The following USP35 variants were observed in gnomAD, a reference collection of about 807,000 sequenced individuals.
USP35 encodes the protein ubiquitin specific peptidase 35, also known as ubiquitin carboxyl-terminal hydrolase 35.
Under a neutral mutation model 83.8 loss-of-function variants are expected in USP35, and 69 were observed. That is an observed-to-expected ratio of 0.82 (90% CI 0.68 to 1.01). USP35 has a LOEUF of 1.01. Among genes scored for constraint, USP35 ranks in the 50% least tolerant of loss-of-function variants. USP35 has a pLI of 0.00. For missense variants in USP35, 1,503 were observed against 1,362.5 expected, an observed-to-expected ratio of 1.10 and a Z score of -1.62; for synonymous variants, 714 against 589.5, an observed-to-expected ratio of 1.21 and a Z score of -3.06.
rs530160291 is a variant in USP35 at position 78,212,998 on chromosome 11, G to A, written c.2890-648G>A. On this transcript the variant is annotated intron_variant, in intron 10 of 10. Transcript: ENST00000529308. ...GTGGCACTGGCATACTGAGCAGCTG[G>A]AACAGCATGGGCTTTGACCAGTGGG... Among the ~76,000 whole-genome samples, 4 of 152,328 alleles carry A rather than the reference G, an allele frequency of 2.6e-5. No homozygotes were observed. In the South Asian group the frequency reaches 8.3e-4, roughly 32 times the overall value.
chr11:78,221,816 G>A, the USP35 span: 13 of 1,427,540 alleles, frequency 9.1e-6, no homozygotes, highest in Non-Finnish European at 1.3e-5. Context: ...TGGGGAAGCT[G>A]CATGGCTGCT....
At chr11:78,233,040 G>GTTTTTTTTTTTTTTTTTTTTTTTT in the USP35 span, among the ~76,000 whole-genome samples, 2 of 131,986 alleles carry the variant, frequency 1.5e-5, 1 homozygote, top group African/African-American at 6.0e-5. Flanking sequence ...GCACTGTTAA[G>GTTTTTTTTTTTTTTTTTTTTTTTT]TTTTTTTTTT....
At chr11:78,221,178 G>A in the USP35 span, among the ~76,000 whole-genome samples, 1 of 152,218 alleles carries the variant, frequency 6.6e-6, no homozygotes, top group Non-Finnish European at 1.5e-5. Context: ...TGCTTTACTG[G>A]TTGGTTAATT....
At chr11:78,211,652 T>G (rs567107545) in intron 10 of USP35, among the ~76,000 whole-genome samples, 1 of 152,298 alleles carries the variant, frequency 6.6e-6, no homozygotes, top group South Asian at 2.1e-4. Flanking sequence ...CATTCTGGCT[T>G]GCGTGAGATG....
At chr11:78,224,614 C>T in the USP35 span, among the ~76,000 whole-genome samples, 1 of 152,192 alleles carries the variant, frequency 6.6e-6, no homozygotes, top group Non-Finnish European at 1.5e-5. Context: ...TTTCAGTGGG[C>T]CTGAAGCCAG....
At chr11:78,206,128 A>T in intron 7 of USP35, 93 bp downstream of exon 7, 23 of 1,391,990 alleles carry the variant, frequency 1.7e-5, no homozygotes, top group Non-Finnish European at 2.1e-5. Flanking sequence ...TGGGGGTTGG[A>T]GAGGGTGGGC....
rs1372403686 is a variant in USP35, at chr11:78,214,709, A to C, written c.*896A>C. The stretch of plus-strand genomic sequence containing the variant: ...AAATAAATAAAAGTAAGCCTAAGCA[A>C]GAGATTGTTCTTCCTTGGACTCAGG... On this transcript the variant is annotated 3_prime_UTR_variant, in exon 11 of 11. Coordinates refer to ENST00000529308, the MANE Select transcript of USP35 (RefSeq NM_020798.4). The C allele has an allele frequency of 6.6e-6, 1 of 151,498 alleles. No individual in the cohort carries two copies. The highest frequency in any genetic ancestry group is 1.5e-5 in the Non-Finnish European group (1 of 67,646). The allele number at this position is 151,498 out of a possible 1,614,324, so 9.4% of individuals were successfully genotyped here. A position where few individuals can be genotyped will look rare whatever the true frequency, so the allele number is the denominator to read the frequency against.
chr11:78,196,583 AG>A lies in USP35; in HGVS notation c.342del (p.Pro115LeufsTer75). On this transcript the variant is annotated frameshift_variant, in exon 2 of 11. Transcript: ENST00000529308. LOFTEE classifies it high-confidence loss of function. This position sits in a 1 kb window ranked among gnomAD's most constrained non-coding sequence, Gnocchi z 4.8. Reference sequence around the variant, plus strand: ...CAGCTGGGTCTGCAGCTGCTGCCCGAGGGGCCTGCGGCCGACGAGGTGTTCG... The same window carrying A: ...CAGCTGGGTCTGCAGCTGCTGCCCGAGGGCCTGCGGCCGACGAGGTGTTCG... Reference protein sequence around the residue: ...CVQLGLQLLPEGPAADEVFAL... With the variant: ...CVQLGLQLLPXGPAADEVFAL... 1 of 1,247,500 alleles carries A rather than the reference AG, an allele frequency of 8.0e-7. No homozygotes were observed. The highest frequency in any genetic ancestry group is 1.0e-6 in the Non-Finnish European group (1 of 994,474). The allele number at this position is 1,247,500 out of a possible 1,614,324, so 77.3% of individuals were successfully genotyped here.
Position 78,196,652 on chromosome 11 carries a change from CG to C in USP35, c.410del (p.Gly137AlafsTer53). 1 of 1,393,398 alleles carries C rather than the reference CG, an allele frequency of 7.2e-7. No individual in the cohort carries two copies. The highest frequency in any genetic ancestry group is 9.2e-7 in the Non-Finnish European group (1 of 1,082,628). The allele number at this position is 1,393,398 out of a possible 1,614,324, so 86.3% of individuals were successfully genotyped here. The stretch of plus-strand genomic sequence containing the variant: ...GTGCTGCGCACCGTGTGCGAGCGCC[CG>C]GGCCCCGCGGCCTGCGCGCAGGTGG... ...REVLRTVCER[P>X]GPAACAQVAR... On this transcript the variant is annotated frameshift_variant, in exon 2 of 11. Transcript: ENST00000529308. LOFTEE classifies it high-confidence loss of function. This position sits in a 1 kb window ranked among gnomAD's most constrained non-coding sequence, Gnocchi z 4.8.
intron 6 of USP35, among the ~76,000 whole-genome samples, chr11:78,203,979 C>T (rs540531035): frequency 6.8e-6 from 1 of 146,784 alleles, no homozygotes; most frequent in African/African-American, 2.6e-5. Flanking sequence ...CAAGCTCCGC[C>T]TCCCGGGTTC....
chr11:78,223,526 G>T, the USP35 span: 7 of 1,613,244 alleles, frequency 4.3e-6, no homozygotes, highest in South Asian at 7.7e-5. Context: ...GAGTCAAAGT[G>T]ATGGGCCCCT....
the USP35 span, among the ~76,000 whole-genome samples, chr11:78,225,563 T>C: frequency 6.6e-6 from 1 of 152,214 alleles, no homozygotes; most frequent in South Asian, 2.1e-4. Context: ...GGTTTTATTT[T>C]CCCAATGAGA....
Position 78,196,621 on chromosome 11 carries a change from C to T in USP35, c.376C>T (p.Arg126Cys), listed in dbSNP as rs1863154407. 4 of 1,302,950 alleles carry T rather than the reference C, an allele frequency of 3.1e-6. No individual in the cohort carries two copies. Among genetic ancestry groups the T allele is most frequent in the Non-Finnish European group, 3.9e-6 (4 of 1,029,558 alleles). 80.7% of individuals were successfully genotyped at this position (1,302,950 alleles called of 1,614,324 possible). A position where few individuals can be genotyped will look rare whatever the true frequency, so the allele number is the denominator to read the frequency against. The change falls in exon 2 of 11, where the codon CGC becomes TGC. Residue 126 changes from arginine (R) to cysteine (C), a missense_variant. Arg to Cys is a radical substitution (Grantham distance 180). Coordinates refer to ENST00000529308, the MANE Select transcript of USP35 (RefSeq NM_020798.4). The surrounding 1 kb of genome is among the most constrained non-coding windows in gnomAD (Gnocchi z 4.8). Reference protein sequence around the residue: ...AADEVFALLRREVLRTVCERP... With the variant: ...AADEVFALLRCEVLRTVCERP... ...CGACGAGGTGTTCGCGCTGCTGCGG[C>T]GCGAGGTGCTGCGCACCGTGTGCGA...
the USP35 span, among the ~76,000 whole-genome samples, chr11:78,230,964 G>A: frequency 6.6e-6 from 1 of 152,204 alleles, no homozygotes; most frequent in African/African-American, 2.4e-5. Context: ...ACCTGGAAGT[G>A]GTGGATTTGG....
At chr11:78,219,487 C>A (rs185401044), downstream of USP35, 3 of 1,407,916 alleles carry the variant, frequency 2.1e-6, no homozygotes, top group East Asian at 2.3e-5. Flanking sequence ...AAGGTGGGCA[C>A]GGGATCTTCC....
chr11:78,207,694 C>T, intron 8 of USP35, 71 bp downstream of exon 8: 1 of 1,475,246 alleles, frequency 6.8e-7, no homozygotes, highest in South Asian at 1.1e-5. Context: ...ACACCTTTCC[C>T]TTCCCCAGGA....
chr11:78,220,343 C>T, the USP35 span: 11 of 1,612,594 alleles, frequency 6.8e-6, no homozygotes, highest in East Asian at 2.2e-5. Context: ...TTGGGGAGCT[C>T]GGCTGGAAGT....
intron 6 of USP35, among the ~76,000 whole-genome samples, chr11:78,202,262 C>A (rs2137039654): frequency 6.6e-6 from 1 of 152,242 alleles, no homozygotes; most frequent in East Asian, 1.9e-4. Context: ...AAAGCCAGGA[C>A]CCAAGAAAGG....
chr11:78,236,915 C>T, the USP35 span, among the ~76,000 whole-genome samples: 10 of 152,248 alleles, frequency 6.6e-5, no homozygotes, highest in South Asian at 2.1e-3. Context: ...TAGATATACA[C>T]ACATACGTAT....
Sources: allele counts gnomAD v4.1 joint callset (sites outside exome capture counted in the v4.1 genomes callset), GRCh38; gene constraint gnomAD v4.1.1; non-coding constraint Gnocchi (gnomAD v3.1); transcripts MANE v1.5; gene names NCBI Gene and HGNC (gene_info 2026-07-23, HGNC 2026-07-21).